KNDC1: variants seen among roughly 807,000 people sequenced by gnomAD.
KNDC1 encodes the protein kinase non-catalytic C-lobe domain-containing protein 1.
KNDC1 carries 106 observed loss-of-function variants against 172.8 expected under a neutral mutation model. That is an observed-to-expected ratio of 0.61 (90% CI 0.52 to 0.72). KNDC1 has a LOEUF of 0.72. KNDC1 is among the 30% of genes least tolerant of loss of function. KNDC1 has a pLI of 0.00. For missense variants in KNDC1, 2,325 were observed against 2,394.5 expected (o/e 0.97, Z 0.61); for synonymous variants, 1,083 against 1,062.2 (o/e 1.02, Z -0.38).
chr10:133,218,051 C>G (rs2136031690), intron 26 of KNDC1, among the ~76,000 whole-genome samples: 1 of 148,520 alleles, frequency 6.7e-6, no homozygotes, highest in Admixed American at 6.6e-5. Flanking sequence ...CAGAGCAAGA[C>G]TCCATCTCAA....
At chr10:133,195,897 G>A in intron 10 of KNDC1, 76 bp downstream of exon 10, 4 of 1,380,012 alleles carry the variant, frequency 2.9e-6, no homozygotes, top group Middle Eastern at 2.6e-4. Flanking sequence ...TGAGCTGGGG[G>A]TGGAGGAGCA....
intron 9 of KNDC1, among the ~76,000 whole-genome samples, chr10:133,191,514 A>G (rs1410384901): frequency 6.6e-6 from 1 of 152,194 alleles, no homozygotes; most frequent in African/African-American, 2.4e-5. Context: ...ACCCTCGCCA[A>G]CATGGTGAAA....
In KNDC1 at chr10:133,200,403, G is replaced by A. The variant is rs746019009; in HGVS notation, c.2932G>A (p.Glu978Lys). The A allele has an allele frequency of 4.8e-5, 76 of 1,597,742 alleles. No individual in the cohort carries two copies. The highest frequency in any genetic ancestry group is 1.7e-4 in the Middle Eastern group (1 of 6,038). The change falls in exon 16 of 30, where the codon GAG becomes AAG. Residue 978 changes from glutamate (E) to lysine (K), a missense_variant. Glu to Lys is a moderately conservative substitution (Grantham distance 56). Transcript: ENST00000304613. ...GGCCGAGGAGGCTGGGTCACAGCTC[G>A]AGGGCAGCCAAAGCCCCCGCTCCCC... ...STAEEAGSQL[E>K]GSQSPRSPSS...
At chr10:133,180,827 C>T (rs538100539) in intron 3 of KNDC1, among the ~76,000 whole-genome samples, 62 of 152,360 alleles carry the variant, frequency 4.1e-4, no homozygotes, top group African/African-American at 1.4e-3. Flanking sequence ...ATTAAAACTG[C>T]GAGTAGATAC....
intron 10 of KNDC1, among the ~76,000 whole-genome samples, chr10:133,196,252 G>A (rs772614984): frequency 5.8e-5 from 4 of 68,400 alleles, no homozygotes; most frequent in Non-Finnish European, 9.2e-5. Flanking sequence ...CACCAGCCCC[G>A]CCCCTCCCTG....
chr10:133,181,834 C>CCACCCACACACACACACACACA (rs1853726332), intron 3 of KNDC1, among the ~76,000 whole-genome samples: 4 of 138,794 alleles, frequency 2.9e-5, no homozygotes, highest in African/African-American at 1.0e-4. Context: ...CCAGGACCGT[C>CCACCCACACACACACACACACA]CACACACACA....
At chr10:133,181,449 G>A (rs2135968908) in intron 3 of KNDC1, among the ~76,000 whole-genome samples, 1 of 152,362 alleles carries the variant, frequency 6.6e-6, no homozygotes, top group Admixed American at 6.5e-5. Context: ...GCCGGTGCCA[G>A]GCGAGCCGTG....
intron 1 of KNDC1, among the ~76,000 whole-genome samples, chr10:133,162,402 G>A (rs554515018): frequency 1.3e-5 from 2 of 152,252 alleles, no homozygotes; most frequent in South Asian, 4.1e-4. Context: ...CAGGGCAGCT[G>A]CCGGGAAAGC....
At chr10:133,184,203 C>A (rs1027198174) in intron 5 of KNDC1, among the ~76,000 whole-genome samples, 1 of 147,360 alleles carries the variant, frequency 6.8e-6, no homozygotes. Context: ...CACATGCACA[C>A]CCATGCTGCA....
intron 5 of KNDC1, among the ~76,000 whole-genome samples, chr10:133,185,389 A>AGTGGAGTAGGCAGTGTGTG (rs1564883528): frequency 2.0e-4 from 9 of 45,840 alleles, no homozygotes; most frequent in Non-Finnish European, 3.6e-4. Context: ...GGCAGTGTGT[A>AGTGGAGTAGGCAGTGTGTG]CAGTGTGGAG....
intron 3 of KNDC1, among the ~76,000 whole-genome samples, chr10:133,173,683 C>T (rs557035132): frequency 6.6e-6 from 1 of 152,306 alleles, no homozygotes; most frequent in Non-Finnish European, 1.5e-5. Context: ...GGCAGCAGCT[C>T]CTGCCTGTTC....
At position 133,163,128 on chromosome 10, in the gene KNDC1, G is replaced by A. The variant is rs1853029814; in HGVS notation, c.102+2559G>A. ...AGAACAGTGCAATCCAGGCAGAACAGCGGCTGCAGAAGAGGCACACAGTCC... is the reference window on the plus strand; with the variant it reads ...AGAACAGTGCAATCCAGGCAGAACAACGGCTGCAGAAGAGGCACACAGTCC... On this transcript the variant is annotated intron_variant, in intron 1 of 29. Coordinates refer to ENST00000304613, the MANE Select transcript of KNDC1 (RefSeq NM_152643.8). The surrounding 1 kb of genome is among the most constrained non-coding windows in gnomAD (Gnocchi z 4.4). Among the ~76,000 whole-genome samples, 1 of 152,234 alleles carries A rather than the reference G, an allele frequency of 6.6e-6. No individual in the cohort carries two copies. Among genetic ancestry groups the A allele is most frequent in the Non-Finnish European group, 1.5e-5 (1 of 68,042 alleles).
intron 26 of KNDC1, 30 bp downstream of exon 26, chr10:133,214,152 C>A (rs763755371): frequency 1.9e-6 from 3 of 1,611,336 alleles, no homozygotes; most frequent in Non-Finnish European, 2.5e-6. Flanking sequence ...GAGGCCAACA[C>A]GGGGCGTGGG....
At position 133,209,289 on chromosome 10, in the gene KNDC1, T is replaced by C. The variant is rs1025715634; in HGVS notation, c.3795-1322T>C. Among the ~76,000 whole-genome samples, 1 of 121,698 alleles carries C rather than the reference T, an allele frequency of 8.2e-6. No homozygotes were observed. Among genetic ancestry groups the C allele is most frequent in the African/African-American group, 3.1e-5 (1 of 31,944 alleles). 79.8% of individuals were successfully genotyped at this position (121,698 alleles called of 152,430 possible). ...TAGTGTGTGTGTGGTGTGTGGAGTA[T>C]AGTGTGTGTGGTGTGGGGTACAGTG... is the stretch of plus-strand genomic sequence containing the variant. On this transcript the variant is annotated intron_variant, in intron 20 of 29. Transcript: ENST00000304613. This position sits in a 1 kb window ranked among gnomAD's most constrained non-coding sequence, Gnocchi z 4.9.
intron 29 of KNDC1, among the ~76,000 whole-genome samples, chr10:133,222,264 T>G (rs140169777): frequency 4.5e-4 from 64 of 143,154 alleles, no homozygotes; most frequent in African/African-American, 9.6e-4. Flanking sequence ...GCCTGGGCGA[T>G]AGAGCGAGAC....
chr10:133,188,737 C>A, intron 7 of KNDC1, 84 bp downstream of exon 7: 2 of 580,272 alleles, frequency 3.4e-6, no homozygotes, highest in Non-Finnish European at 3.0e-6. Context: ...ACACCCCCGC[C>A]GTCCCACCCC....
rs1386594648 is a variant in KNDC1 at position 133,201,905 on chromosome 10, C to G, written c.3387+7C>G. Reference sequence around the variant, plus strand: ...GCCCGACGCCCAGAGCCCGGTGAGTCCCAGGCCTTGGCACTGCCGGGTGGG... The same window carrying G: ...GCCCGACGCCCAGAGCCCGGTGAGTGCCAGGCCTTGGCACTGCCGGGTGGG... On this transcript the variant is annotated splice_region_variant and intron_variant, in intron 17 of 29. Coordinates refer to ENST00000304613, the MANE Select transcript of KNDC1 (RefSeq NM_152643.8). The G allele has an allele frequency of 1.3e-6, 2 of 1,500,088 alleles. No individual in the cohort carries two copies. The highest frequency in any genetic ancestry group is 2.2e-5 in the Admixed American group (1 of 44,860). 92.9% of individuals were successfully genotyped at this position (1,500,088 alleles called of 1,614,324 possible).
Position 133,181,094 on chromosome 10 carries a change from C to T in KNDC1, c.361-2250C>T, listed in dbSNP as rs140314458. Reference sequence around the variant, plus strand: ...AGATGCCACATGGGGCACCCACTGACGTCACACGCGGCACCCACAGACGCC... The same window carrying T: ...AGATGCCACATGGGGCACCCACTGATGTCACACGCGGCACCCACAGACGCC... On this transcript the variant is annotated intron_variant, in intron 3 of 29. Transcript: ENST00000304613. Among the ~76,000 whole-genome samples, 24 of 151,874 alleles carry T rather than the reference C, an allele frequency of 1.6e-4. No individual in the cohort carries two copies. In the East Asian group the frequency reaches 3.3e-3, roughly 21 times the overall value.
intron 3 of KNDC1, chr10:133,179,416 C>T (rs1853651582): frequency 6.6e-6 from 1 of 152,278 alleles, no homozygotes; most frequent in African/African-American, 2.4e-5. Flanking sequence ...CTCAAGTCCA[C>T]TGGAATTGCT....
Sources: gnomAD v4.1 joint callset for allele counts (sites outside exome capture counted in the v4.1 genomes callset) on GRCh38, gnomAD v4.1.1 for gene constraint, Gnocchi (gnomAD v3.1) non-coding constraint, MANE v1.5 for transcripts, NCBI Gene and HGNC (gene_info 2026-07-23, HGNC 2026-07-21) for gene names.